DOCK8: variants seen among roughly 807,000 people sequenced by gnomAD.
DOCK8 encodes dedicator of cytokinesis protein 8.
Under a neutral mutation model 245.6 loss-of-function variants are expected in DOCK8, and 141 were observed. That is an observed-to-expected ratio of 0.57 (90% confidence interval 0.50 to 0.66). DOCK8 has a LOEUF of 0.66. DOCK8 is among the 30% of genes least tolerant of loss of function. DOCK8 has a pLI of 0.00. For missense variants in DOCK8, 2,965 were observed against 2,603.4 expected, an observed-to-expected ratio of 1.14 and a Z score of -3.02; for synonymous variants, 1,168 against 970.2, an observed-to-expected ratio of 1.20 and a Z score of -3.79.
intron 14 of DOCK8, among the ~76,000 whole-genome samples, chr9:355,196 T>TCTTTTC (rs1227235877): frequency 3.7e-5 from 1 of 26,998 alleles, no homozygotes; most frequent in Admixed American, 3.8e-4. Flanking sequence ...TCTTTTCTTT[T>TCTTTTC]TTTTTTTTTT....
At chr9:452,260 T>G in intron 46 of DOCK8, 143 bp downstream of exon 46, 9 of 636,848 alleles carry the variant, frequency 1.4e-5, no homozygotes, top group Non-Finnish European at 1.4e-5. Context: ...TTGGAATCTC[T>G]GGAGGTGTGG....
At chr9:365,653 C>T (rs141935229) in intron 14 of DOCK8, 2 of 453,930 alleles carry the variant, frequency 4.4e-6, no homozygotes, top group East Asian at 7.0e-5. Context: ...GAGGTCGATG[C>T]AATTATGCTT....
At chr9:250,747 C>T (rs562710516) in intron 1 of DOCK8, among the ~76,000 whole-genome samples, 7 of 152,102 alleles carry the variant, frequency 4.6e-5, no homozygotes, top group African/African-American at 1.4e-4. Flanking sequence ...AGTTTCATGA[C>T]GGATTAGAAG....
At chr9:214,831 G>C (rs978420133), upstream of DOCK8, 18 of 1,599,818 alleles carry the variant, frequency 1.1e-5, no homozygotes, top group African/African-American at 2.0e-4. Context: ...TTTCGGCTTA[G>C]AAGGTGGAAA....
In DOCK8 at chr9:214,875, G is replaced by T; in HGVS notation, c.-102G>T. 1 of 1,601,996 alleles carries T rather than the reference G, an allele frequency of 6.2e-7. No individual in the cohort carries two copies. Among genetic ancestry groups the T allele is most frequent in the Non-Finnish European group, 8.5e-7 (1 of 1,174,820 alleles). ...TTTCCAGCGCCGACCGACAGACGAG[G>T]TTTGCGCTTGGCTGGGCATGTTCCG... On this transcript the variant is annotated 5_prime_UTR_variant, in exon 1 of 48. Transcript: ENST00000432829.
chr9:300,353 C>T (rs763420404), intron 4 of DOCK8, among the ~76,000 whole-genome samples: 2 of 152,074 alleles, frequency 1.3e-5, no homozygotes, highest in Non-Finnish European at 2.9e-5. Context: ...TAATACCTTC[C>T]AATATCACCT....
At chr9:356,329 C>A (rs918354445) in intron 14 of DOCK8, among the ~76,000 whole-genome samples, 1 of 152,038 alleles carries the variant, frequency 6.6e-6, no homozygotes. Flanking sequence ...GAGATTGAGA[C>A]CATCCTGGCT....
chr9:221,025 G>C (rs1056019368), intron 1 of DOCK8, among the ~76,000 whole-genome samples: 5 of 152,156 alleles, frequency 3.3e-5, no homozygotes, highest in African/African-American at 9.7e-5. Flanking sequence ...TGTGGTTCCT[G>C]TGCTTCTGGA....
chr9:272,060 A>AT (rs34297108), intron 2 of DOCK8, among the ~76,000 whole-genome samples: 1 of 152,126 alleles, frequency 6.6e-6, no homozygotes, highest in South Asian at 2.1e-4. Context: ...TGTAGTATGC[A>AT]TTTTTTTGGA....
At position 239,412 on chromosome 9, in the gene DOCK8, A is replaced by G. The variant is rs985691954; in HGVS notation, c.53+24383A>G. 2.6e-5 allele frequency among the ~76,000 whole-genome samples: 4 copies of G among 152,224 alleles called. No homozygotes were observed. The South Asian group carries it at 6.2e-4, about 24-fold the overall frequency. On this transcript the variant is annotated intron_variant, in intron 1 of 47. Coordinates refer to ENST00000432829, the MANE Select transcript of DOCK8 (RefSeq NM_203447.4). The stretch of plus-strand genomic sequence containing the variant: ...AATCCTGAGAGTTATAAGAGACTAC[A>G]AAGGTGATTTGATAGAGCCACTTAA...
intron 31 of DOCK8, 131 bp from the exon 32 acceptor site, chr9:420,818 C>G: frequency 7.4e-7 from 1 of 1,352,774 alleles, no homozygotes; most frequent in Non-Finnish European, 1.1e-6. Flanking sequence ...ATAGGATGCT[C>G]CAGAGCAGCA....
intron 45 of DOCK8, among the ~76,000 whole-genome samples, chr9:451,095 T>C (rs138514769): frequency 0.053 from 8,107 of 152,028 alleles, 287 homozygotes; most frequent in South Asian, 0.18. Context: ...GGTGAATCAC[T>C]TGAGGTCAGG....
chr9:239,890 A>G (rs543394191), intron 1 of DOCK8, among the ~76,000 whole-genome samples: 14 of 152,356 alleles, frequency 9.2e-5, no homozygotes, highest in African/African-American at 2.9e-4. Flanking sequence ...TAATGAATGC[A>G]TAACATTCCA....
intron 33 of DOCK8, among the ~76,000 whole-genome samples, chr9:425,122 C>A (rs1347005029): frequency 6.6e-6 from 1 of 152,020 alleles, no homozygotes; most frequent in Non-Finnish European, 1.5e-5. Context: ...TTCACTTTTT[C>A]TTTACTTTTT....
At chr9:400,947 T>TCCACCACCACCACCAGCTCCAC (rs1268171943) in intron 26 of DOCK8, among the ~76,000 whole-genome samples, 11 of 28,544 alleles carry the variant, frequency 3.9e-4, no homozygotes, top group Non-Finnish European at 3.1e-4. Context: ...ACCACCACCA[T>TCCACCACCACCACCAGCTCCAC]CACCACCACC....
rs545044992 is a variant in DOCK8 at position 225,373 on chromosome 9, G to A, written c.53+10344G>A. ...ACAGATGAAACAAACCTGGTGGGAA[G>A]AATAGTTAGCAGTGTGCAGAAGGCA... is the stretch of plus-strand genomic sequence containing the variant. On this transcript the variant is annotated intron_variant, in intron 1 of 47. Coordinates refer to ENST00000432829, the MANE Select transcript of DOCK8 (RefSeq NM_203447.4). Among the ~76,000 whole-genome samples the A allele has an allele frequency of 5.3e-5, 8 of 152,302 alleles. No homozygotes were observed. In the South Asian group the frequency reaches 1.7e-3, roughly 32 times the overall value.
intron 4 of DOCK8, among the ~76,000 whole-genome samples, chr9:299,210 A>G (rs1050467377): frequency 5.3e-5 from 8 of 152,158 alleles, no homozygotes; most frequent in African/African-American, 1.9e-4. Flanking sequence ...AGTCCAAAAC[A>G]GTCACTTCAT....
rs372278912 is a variant in DOCK8, at chr9:368,021, C to T, written c.1683C>T (p.Asn561=). Residue 561 remains asparagine (N), a synonymous_variant, in exon 15 of 48, where the codon AAC becomes AAT. Transcript: ENST00000432829. ...EVYVPHTVYR[N]LLYVYPQRLN... ...TTCTTTATCTCTTCTTTTCCAGAAA[C>T]CTTCTCTATGTCTACCCACAGAGGC... 1.2e-6 allele frequency: 2 copies of T among 1,611,994 alleles called. No homozygotes were observed. The highest frequency in any genetic ancestry group is 8.5e-7 in the Non-Finnish European group (1 of 1,178,086).
rs1486199563 is a variant in DOCK8 at position 368,126 on chromosome 9, T to C, written c.1788T>C (p.Asn596=). 3 of 1,613,828 alleles carry C rather than the reference T, an allele frequency of 1.9e-6. No homozygotes were observed. The highest frequency in any genetic ancestry group is 2.5e-6 in the Non-Finnish European group (3 of 1,179,814). ...TTATGTGTGGAGAAGATGCTAGCAATGCGATGCCGGTAAGGAGGGAAACGA... is the reference window on the plus strand; with the variant it reads ...TTATGTGTGGAGAAGATGCTAGCAACGCGATGCCGGTAAGGAGGGAAACGA... ...IQFMCGEDAS[N]AMPVIFGKSS... Residue 596 remains asparagine, a synonymous_variant, in exon 15 of 48, where the codon AAT becomes AAC. Transcript: ENST00000432829.
Sources: gnomAD v4.1 joint callset for allele counts (sites outside exome capture counted in the v4.1 genomes callset) on GRCh38, gnomAD v4.1.1 for gene constraint, MANE v1.5 for transcripts, NCBI Gene and HGNC (gene_info 2026-07-23, HGNC 2026-07-21) for gene names.